Variants in RGS12 observed in about 807,000 individuals in gnomAD.
The protein encoded by RGS12 is regulator of G protein signaling 12.
RGS12 carries 66 observed loss-of-function variants against 120.1 expected under a neutral mutation model. The ratio of observed to expected loss-of-function variants is 0.55; its 90% CI spans 0.45 to 0.67. The LOEUF is 0.67. RGS12 is among the 30% of genes least tolerant of loss of function. The pLI is 0.00. For missense variants in RGS12, 1,859 were observed against 1,957.7 expected, an observed-to-expected ratio of 0.95 and a Z score of 0.95; for synonymous variants, 827 against 804.7, an observed-to-expected ratio of 1.03 and a Z score of -0.47.
intron 3 of RGS12, among the ~76,000 whole-genome samples, chr4:3,348,160 GC>G (rs1714000676): frequency 6.6e-6 from 1 of 152,122 alleles, no homozygotes; most frequent in African/African-American, 2.4e-5. Flanking sequence ...CATCAAAGAT[GC>G]CAAAAGATTT....
At chr4:3,292,865 C>G (rs1028334275), upstream of RGS12, among the ~76,000 whole-genome samples, 32 of 151,904 alleles carry the variant, frequency 2.1e-4, no homozygotes, top group Non-Finnish European at 5.9e-5. Context: ...GCTGTCCCGA[C>G]GCGAAGGCCC....
chr4:3,417,394 G>A lies in RGS12; in HGVS notation c.2614G>A (p.Gly872Arg). Reference sequence around the variant, plus strand: ...GGTTTCCATTTGATGACAGTTAAGTGGAAAATCAAAATCCGGCCGATCCCT... The same window carrying A: ...GGTTTCCATTTGATGACAGTTAAGTAGAAAATCAAAATCCGGCCGATCCCT... ...SSVSTPKKLSGKSKSGRSLNE... is the reference protein window; with the variant it reads ...SSVSTPKKLSRKSKSGRSLNE... The change falls in exon 9 of 18, where the codon GGA becomes AGA. Residue 872 changes from glycine (G) to arginine (R), a missense_variant. Gly to Arg is a moderately radical substitution (Grantham distance 125). Coordinates refer to ENST00000336727, the MANE Select transcript of RGS12 (RefSeq NM_001394154.1). The A allele has an allele frequency of 6.4e-7, 1 of 1,570,806 alleles. No homozygotes were observed. The highest frequency in any genetic ancestry group is 8.6e-7 in the Non-Finnish European group (1 of 1,157,016).
intron 2 of RGS12, among the ~76,000 whole-genome samples, chr4:3,340,762 A>AGGTGCAGGCAGGTGCAGGCC (rs1553802001): frequency 2.6e-5 from 4 of 151,024 alleles, no homozygotes; most frequent in Admixed American, 6.6e-5. Context: ...AGGTGCAGGC[A>AGGTGCAGGCAGGTGCAGGCC]GGTGCAGGCC....
intron 2 of RGS12, among the ~76,000 whole-genome samples, chr4:3,333,598 G>A (rs950801859): frequency 1.3e-5 from 2 of 152,268 alleles, no homozygotes; most frequent in East Asian, 1.9e-4. Flanking sequence ...CACTAATCTC[G>A]TCCTTCCACG....
chr4:3,405,552 A>G (rs1577058057), intron 4 of RGS12, among the ~76,000 whole-genome samples: 1 of 152,314 alleles, frequency 6.6e-6, no homozygotes, highest in East Asian at 1.9e-4. Flanking sequence ...GCTCTGGGGA[A>G]AAGAGCTGGA....
At chr4:3,397,613 TG>T (rs921417504) in intron 4 of RGS12, among the ~76,000 whole-genome samples, 2 of 151,832 alleles carry the variant, frequency 1.3e-5, no homozygotes, top group African/African-American at 4.8e-5. Flanking sequence ...AAGACTAGGG[TG>T]GGAGGAGCAG....
intron 1 of RGS12, among the ~76,000 whole-genome samples, chr4:3,299,335 C>T (rs1723550837): frequency 6.6e-6 from 1 of 152,112 alleles, no homozygotes; most frequent in East Asian, 1.9e-4. Flanking sequence ...CCTCCCCAAG[C>T]CCTATCTTGG....
rs1023390195 is a variant in RGS12, at chr4:3,316,278, T to C, written c.108T>C (p.Leu36=). 6.2e-7 allele frequency: 1 copy of C among 1,613,988 alleles called. No individual in the cohort carries two copies. The highest frequency in any genetic ancestry group is 8.5e-7 in the Non-Finnish European group (1 of 1,179,908). The change falls in exon 2 of 18, where the codon CTT becomes CTC. Residue 36 remains leucine, a synonymous_variant. Transcript: ENST00000336727. ...GGAGGGCCGGCTACGGATTCACGCT[T>C]TCGGGACAGGCACCCTGTGTGCTCA... ...ARGRAGYGFT[L]SGQAPCVLSC...
chr4:3,436,251 G>T (rs982796158), intron 17 of RGS12, among the ~76,000 whole-genome samples: 39 of 152,156 alleles, frequency 2.6e-4, no homozygotes, highest in African/African-American at 9.4e-4. Flanking sequence ...AGGCTGGGAA[G>T]GGAAGGGGCC....
At chr4:3,415,913 T>TG in intron 6 of RGS12, 65 bp from the exon 7 acceptor site, 1 of 1,533,992 alleles carries the variant, frequency 6.5e-7, no homozygotes, top group East Asian at 2.4e-5. Context: ...TGTCGGGCCT[T>TG]GGCAGGCAGC....
intron 15 of RGS12, 51 bp downstream of exon 15, chr4:3,428,220 C>G (rs752686603): frequency 6.7e-7 from 1 of 1,500,008 alleles, no homozygotes. Flanking sequence ...CGCTGTGGCC[C>G]CCGCCTGCCC....
intron 4 of RGS12, among the ~76,000 whole-genome samples, chr4:3,397,186 T>C (rs900057557): frequency 5.3e-5 from 8 of 152,166 alleles, no homozygotes; most frequent in African/African-American, 1.9e-4. Context: ...CACAAGACCT[T>C]GCAAGGACTT....
chr4:3,315,677 C>CG (rs1388778663), intron 1 of RGS12, among the ~76,000 whole-genome samples: 1 of 152,210 alleles, frequency 6.6e-6, no homozygotes, highest in Non-Finnish European at 1.5e-5. Flanking sequence ...TCCTGTGAAA[C>CG]GTGGGTTTGG....
At chr4:3,334,859 T>C (rs1056010347) in intron 2 of RGS12, among the ~76,000 whole-genome samples, 2 of 152,134 alleles carry the variant, frequency 1.3e-5, no homozygotes, top group East Asian at 3.9e-4. Context: ...CACTGATGTG[T>C]TGGGTGACTG....
At chr4:3,301,934 G>T (rs1340696511) in intron 1 of RGS12, among the ~76,000 whole-genome samples, 1 of 151,968 alleles carries the variant, frequency 6.6e-6, no homozygotes, top group Non-Finnish European at 1.5e-5. Context: ...CATTTGGGGC[G>T]CACTCATACT....
chr4:3,425,268 C>T (rs1284175900), intron 13 of RGS12, among the ~76,000 whole-genome samples, 196 bp from the exon 14 acceptor site: 2 of 152,092 alleles, frequency 1.3e-5, no homozygotes, highest in Admixed American at 6.5e-5. Flanking sequence ...TTAGGATGGT[C>T]GTGTAGTCGG....
At position 3,317,239 on chromosome 4, in the gene RGS12, C is replaced by T. The variant is rs371019581; in HGVS notation, c.1069C>T (p.Arg357Trp). 57 of 1,614,014 alleles carry T rather than the reference C, an allele frequency of 3.5e-5. No homozygotes were observed. Among genetic ancestry groups the T allele is most frequent in the African/African-American group, 1.1e-4 (8 of 74,922 alleles). ...FNHKIHQGIA[R>W]RFGFECTADP... Reference sequence around the variant, plus strand: ...TCACAAGATCCACCAAGGCATTGCTCGGCGGTTTGGGTTTGAGTGCACGGC... The same window carrying T: ...TCACAAGATCCACCAAGGCATTGCTTGGCGGTTTGGGTTTGAGTGCACGGC... Residue 357 changes from arginine (R) to tryptophan (W), a missense_variant, in exon 2 of 18, where the codon CGG becomes TGG. Transcript: ENST00000336727.
rs1723172526 is a variant in RGS12, at chr4:3,422,840, C to T, written c.3034-65C>T. 8.6e-6 allele frequency: 12 copies of T among 1,399,426 alleles called. No individual in the cohort carries two copies. The East Asian group carries it at 9.1e-5, about 11-fold the overall frequency. 86.7% of individuals were successfully genotyped at this position (1,399,426 alleles called of 1,614,324 possible). A position where few individuals can be genotyped will look rare whatever the true frequency, so the allele number is the denominator to read the frequency against. ...TCTGCACAGCTGTGTGCCTGGGGCA[C>T]GTGGGTCTGCGTTTGGGGGGCTGCC... On this transcript the variant is annotated intron_variant, in intron 11 of 17. Transcript: ENST00000336727.
chr4:3,391,305 C>A (rs1719471807), intron 4 of RGS12, among the ~76,000 whole-genome samples: 1 of 152,162 alleles, frequency 6.6e-6, no homozygotes, highest in East Asian at 1.9e-4. Flanking sequence ...TGCCAGGATG[C>A]CTTCCGATGT....
Sources: gnomAD v4.1 joint callset for allele counts (sites outside exome capture counted in the v4.1 genomes callset) on GRCh38, gnomAD v4.1.1 for gene constraint, MANE v1.5 for transcripts, NCBI Gene and HGNC (gene_info 2026-07-23, HGNC 2026-07-21) for gene names.